The following CKAP2 variants were observed in gnomAD, a reference collection of about 807,000 sequenced individuals.
CKAP2 encodes cytoskeleton associated protein 2.
In CKAP2, 46 loss-of-function variants were observed where a neutral mutation model predicts 58.4. The ratio of observed to expected loss-of-function variants is 0.79; its 90% CI spans 0.62 to 1.01. The LOEUF (loss-of-function observed/expected upper bound fraction) is 1.01. Among genes scored for constraint, CKAP2 ranks in the 50% least tolerant of loss-of-function variants. CKAP2 has a pLI of 0.00. For synonymous variants in CKAP2, 293 were observed against 280.9 expected (o/e 1.04, Z -0.43); for missense variants, 809 against 796.4 (o/e 1.02, Z -0.19).
At position 52,464,501 on chromosome 13, in the gene CKAP2, C is replaced by T. The variant is rs193116154; in HGVS notation, c.1306-794C>T. ...CTGGGAGGCAGAGGTTGCAGTGAGCCGAGATTGTGCCGTTGCACTCCAGCC... is the reference window on the plus strand; with the variant it reads ...CTGGGAGGCAGAGGTTGCAGTGAGCTGAGATTGTGCCGTTGCACTCCAGCC... On this transcript the variant is annotated intron_variant, in intron 5 of 8. Coordinates refer to ENST00000258607, the MANE Select transcript of CKAP2 (RefSeq NM_018204.5). 7.5e-3 allele frequency among the ~76,000 whole-genome samples: 1,097 copies of T among 146,006 alleles called. 6 individuals carry two copies. The highest frequency in any genetic ancestry group is 0.017 in the African/African-American group (675 of 38,992).
At chr13:52,467,893 T>G (rs1958704568) in intron 6 of CKAP2, among the ~76,000 whole-genome samples, 1 of 151,438 alleles carries the variant, frequency 6.6e-6, no homozygotes, top group African/African-American at 2.4e-5. Flanking sequence ...CACTGCAAGC[T>G]CCGCTTCCTG....
rs560190997 is a variant in CKAP2 at position 52,475,512 on chromosome 13, C to T, written c.*371C>T. Reference sequence around the variant, plus strand: ...GTATTCTAGGTAAAATGTATGTTTGCCTTGACATGTTTTTAAAAGTTATGA... The same window carrying T: ...GTATTCTAGGTAAAATGTATGTTTGTCTTGACATGTTTTTAAAAGTTATGA... On this transcript the variant is annotated 3_prime_UTR_variant, in exon 9 of 9. Transcript: ENST00000258607. The T allele has an allele frequency of 3.7e-5, 6 of 162,032 alleles. No homozygotes were observed. Among genetic ancestry groups the T allele is most frequent in the East Asian group, 1.8e-4 (1 of 5,644 alleles). The allele number at this position is 162,032 out of a possible 1,614,324, so 10.0% of individuals were successfully genotyped here.
At chr13:52,472,298 T>C (rs1958771228) in intron 7 of CKAP2, among the ~76,000 whole-genome samples, 2 of 152,230 alleles carry the variant, frequency 1.3e-5, no homozygotes, top group Admixed American at 1.3e-4. Context: ...ATAAGGACAG[T>C]GTCTGATGTT....
chr13:52,474,217 G>A, intron 8 of CKAP2, 133 bp downstream of exon 8: 1 of 874,264 alleles, frequency 1.1e-6, no homozygotes, highest in Non-Finnish European at 1.7e-6. Flanking sequence ...CGGGCATGGT[G>A]GCTCACGCCT....
chr13:52,462,851 T>C (rs1958607436), intron 5 of CKAP2, among the ~76,000 whole-genome samples: 1 of 152,182 alleles, frequency 6.6e-6, no homozygotes, highest in Non-Finnish European at 1.5e-5. Flanking sequence ...GGACCAGAAG[T>C]AATTGAAGAT....
chr13:52,463,764 T>G (rs1283195573), intron 5 of CKAP2, among the ~76,000 whole-genome samples: 1 of 152,188 alleles, frequency 6.6e-6, no homozygotes. Flanking sequence ...TACTTCAGAG[T>G]CATCTGCCTC....
intron 6 of CKAP2, among the ~76,000 whole-genome samples, chr13:52,467,158 T>G (rs937141760): frequency 2.3e-4 from 35 of 151,800 alleles, no homozygotes; most frequent in East Asian, 7.8e-4. Flanking sequence ...GCTGAGTAAT[T>G]CAGGACTCAG....
chr13:52,468,274 T>G lies in CKAP2; in HGVS notation c.1477-4T>G. 1 of 1,566,566 alleles carries G rather than the reference T, an allele frequency of 6.4e-7. No individual in the cohort carries two copies. Among genetic ancestry groups the G allele is most frequent in the Non-Finnish European group, 8.7e-7 (1 of 1,152,316 alleles). On this transcript the variant is annotated splice_region_variant and splice_polypyrimidine_tract_variant and intron_variant, in intron 6 of 8. Coordinates refer to ENST00000258607, the MANE Select transcript of CKAP2 (RefSeq NM_018204.5). ...GATCTGCTTTCTTCATTAAAAAAAT[T>G]AAGCCTATTGAAGAGATGCGACACA... is the stretch of plus-strand genomic sequence containing the variant.
At chr13:52,456,423 C>T in intron 1 of CKAP2, 100 bp from the exon 2 acceptor site, 1 of 971,450 alleles carries the variant, frequency 1.0e-6, no homozygotes, top group Admixed American at 2.3e-5. Flanking sequence ...CAGGTGGAAC[C>T]AGCTTTGGAA....
chr13:52,456,778 T>C (rs552261518), intron 2 of CKAP2, among the ~76,000 whole-genome samples, 171 bp downstream of exon 2: 1 of 152,344 alleles, frequency 6.6e-6, no homozygotes, highest in East Asian at 1.9e-4. Context: ...TAAAATCTGG[T>C]GTCTATTTTA....
intron 1 of CKAP2, 46 bp downstream of exon 1, chr13:52,455,672 G>GCGGTGT: frequency 6.9e-7 from 1 of 1,456,376 alleles, no homozygotes; most frequent in Non-Finnish European, 9.2e-7. Flanking sequence ...GGTGGCGGTG[G>GCGGTGT]CGGGCGCGGG....
chr13:52,465,892 T>C (rs1193388294), intron 6 of CKAP2: 2 of 348,904 alleles, frequency 5.7e-6, no homozygotes, highest in South Asian at 2.3e-5. Flanking sequence ...TAAACCCGAA[T>C]GTACTCATAT....
chr13:52,462,300 C>T (rs1373687872), intron 4 of CKAP2, 63 bp from the exon 5 acceptor site: 4 of 1,427,532 alleles, frequency 2.8e-6, no homozygotes, highest in Admixed American at 2.2e-5. Flanking sequence ...TTTCTTTTAA[C>T]TTTATTTGAC....
In CKAP2 at chr13:52,461,454, A is replaced by G. The variant is rs1958577038; in HGVS notation, c.628A>G (p.Thr210Ala). 1 of 1,614,108 alleles carries G rather than the reference A, an allele frequency of 6.2e-7. No individual in the cohort carries two copies. Among genetic ancestry groups the G allele is most frequent in the Admixed American group, 1.7e-5 (1 of 60,000 alleles). The change falls in exon 4 of 9, where the codon ACT (threonine) becomes GCT (alanine). Residue 210 changes from threonine (T) to alanine (A), a missense_variant. Coordinates refer to ENST00000258607, the MANE Select transcript of CKAP2 (RefSeq NM_018204.5). ...TGCAGCAACAAAGAAACTTTCAGCC[A>G]CTATACCTAAAGCCACAAAACCTCA... ...SSAATKKLSATIPKATKPQPV... is the reference protein window; with the variant it reads ...SSAATKKLSAAIPKATKPQPV...
chr13:52,464,553 C>CA (rs66481844), intron 5 of CKAP2, among the ~76,000 whole-genome samples: 1,862 of 79,838 alleles, frequency 0.023, 27 homozygotes, highest in South Asian at 0.028. Flanking sequence ...AACTCCGTCT[C>CA]AAAAAAAAAA....
rs1594130749 is a variant in CKAP2, at chr13:52,455,500, T to C, written c.-57T>C. 2.5e-6 allele frequency: 4 copies of C among 1,603,458 alleles called. No individual in the cohort carries two copies. Among genetic ancestry groups the C allele is most frequent in the East Asian group, 4.5e-5 (2 of 44,752 alleles). The stretch of plus-strand genomic sequence containing the variant: ...GGTGCAGACTGCGGCGGCGGTGGTC[T>C]GAGGAAGTTCTATCTTGGCGCTAAA... On this transcript the variant is annotated 5_prime_UTR_variant, in exon 1 of 9. Transcript: ENST00000258607.
At chr13:52,464,096 ATATT>A (rs1958626070) in intron 5 of CKAP2, among the ~76,000 whole-genome samples, 1 of 152,194 alleles carries the variant, frequency 6.6e-6, no homozygotes, top group South Asian at 2.1e-4. Context: ...CACTGAGGTG[ATATT>A]TACTTACTGC....
At position 52,455,569 on chromosome 13, in the gene CKAP2, G is replaced by C. The variant is rs746422156; in HGVS notation, c.13G>C (p.Ala5Pro). 6.2e-7 allele frequency: 1 copy of C among 1,612,606 alleles called. No individual in the cohort carries two copies. Residue 5 changes from alanine to proline, a missense_variant, in exon 1 of 9, where the codon GCC becomes CCC. Transcript: ENST00000258607. MSTP[A>P]VPQDLQLPPS... Reference sequence around the variant, plus strand: ...ACCCGAGGCTACGATGAGCACACCGGCCGTGCCCCAGGACCTGCAGCTGCC... The same window carrying C: ...ACCCGAGGCTACGATGAGCACACCGCCCGTGCCCCAGGACCTGCAGCTGCC...
At chr13:52,458,227 T>C (rs1474160960) in intron 2 of CKAP2, among the ~76,000 whole-genome samples, 1 of 152,084 alleles carries the variant, frequency 6.6e-6, no homozygotes, top group African/African-American at 2.4e-5. Context: ...AAGGAGGAGC[T>C]GGGGAATTAG....
Sources: allele counts gnomAD v4.1 joint callset (sites outside exome capture counted in the v4.1 genomes callset), GRCh38; gene constraint gnomAD v4.1.1; transcripts MANE v1.5; gene names NCBI Gene and HGNC (gene_info 2026-07-23, HGNC 2026-07-21).